LCORL: variants seen among roughly 807,000 people sequenced by gnomAD.
LCORL encodes the protein ligand dependent nuclear receptor corepressor like.
In LCORL, 41 loss-of-function variants were observed where a neutral mutation model predicts 141.8. The observed-to-expected ratio is 0.29, with a 90% CI of 0.23 to 0.38. LCORL has a LOEUF of 0.38. LCORL is among the 10% of genes least tolerant of loss of function. The pLI is 1.00. For missense variants in LCORL, 1,759 were observed against 2,035.0 expected (o/e 0.86, Z 2.61); for synonymous variants, 618 against 694.1 (o/e 0.89, Z 1.72).
intron 1 of LCORL, among the ~76,000 whole-genome samples, chr4:18,010,392 G>GTC (rs1318087361): frequency 3.5e-5 from 5 of 143,454 alleles, no homozygotes; most frequent in African/African-American, 1.1e-4. Context: ...ATATATGTGT[G>GTC]TGTGTCTGTG....
intron 1 of LCORL, among the ~76,000 whole-genome samples, chr4:17,986,394 TGA>T (rs1718986614): frequency 6.6e-6 from 1 of 152,238 alleles, no homozygotes. Context: ...GGGATGCCAG[TGA>T]TTTGTAGGCT....
rs1015622936 is a variant in LCORL at position 17,884,400 on chromosome 4, T to C, written c.776+1668A>G. The C allele has an allele frequency of 1.3e-6, 2 of 1,549,286 alleles. No homozygotes were observed. The highest frequency in any genetic ancestry group is 2.4e-5 in the East Asian group (1 of 40,882). On this transcript the variant is annotated intron_variant, in intron 6 of 7. Transcript: ENST00000635767. This position sits in a 1 kb window ranked among gnomAD's most constrained non-coding sequence, Gnocchi z 4.4. Reference sequence around the variant, plus strand: ...AGCTGATGGAGGTAAGTGGAAGCTGTTGGGAATTTTATTTCTGAGGTTTCA... The same window carrying C: ...AGCTGATGGAGGTAAGTGGAAGCTGCTGGGAATTTTATTTCTGAGGTTTCA...
At chr4:17,879,913 C>A (rs544214855) in intron 6 of LCORL, among the ~76,000 whole-genome samples, 21 of 150,964 alleles carry the variant, frequency 1.4e-4, no homozygotes, top group Non-Finnish European at 2.4e-4. Flanking sequence ...GTTAATAAAG[C>A]CAGGTATGTG....
In LCORL at chr4:17,951,766, T is replaced by C. The variant is rs548621880; in HGVS notation, c.430+10137A>G. ...CACGAAGACAGGGATATTTTTTCTTTTGTTCACTAGAGCAGTGCCTGGCAT... is the reference window on the plus strand; with the variant it reads ...CACGAAGACAGGGATATTTTTTCTTCTGTTCACTAGAGCAGTGCCTGGCAT... On this transcript the variant is annotated intron_variant, in intron 4 of 7. Coordinates refer to ENST00000635767, the Ensembl canonical transcript of LCORL. Among the ~76,000 whole-genome samples the C allele has an allele frequency of 2.0e-5, 3 of 152,332 alleles. No individual in the cohort carries two copies. The East Asian group carries it at 5.8e-4, about 29-fold the overall frequency.
At chr4:17,974,280 G>A (rs965156676) in intron 1 of LCORL, among the ~76,000 whole-genome samples, 4 of 151,896 alleles carry the variant, frequency 2.6e-5, no homozygotes, top group South Asian at 2.1e-4. Flanking sequence ...TCTCTCTTCC[G>A]CATTTTATGT....
chr4:17,885,497 A>G (rs1302689772), intron 6 of LCORL, among the ~76,000 whole-genome samples: 1 of 150,598 alleles, frequency 6.6e-6, no homozygotes. Flanking sequence ...GGGAAGATGC[A>G]AAAAAGTTGT....
At chr4:17,847,443 A>T (rs1013776016) in intron 7 of LCORL, among the ~76,000 whole-genome samples, 3 of 152,222 alleles carry the variant, frequency 2.0e-5, no homozygotes, top group Non-Finnish European at 2.9e-5. Flanking sequence ...CACCACTAAC[A>T]TATCTAACTG....
chr4:18,021,459 C>T lies in LCORL; in HGVS notation c.154+139G>A. On this transcript the variant is annotated intron_variant, in intron 1 of 7. Transcript: ENST00000635767. This position sits in a 1 kb window ranked among gnomAD's most constrained non-coding sequence, Gnocchi z 5.5. ...CAAAAGGCGAGCGCCGGGGCCGCCG[C>T]GCCGCGCCGCTCCCATCTCGCTCCC... The T allele has an allele frequency of 1.5e-6, 1 of 683,548 alleles. No homozygotes were observed. The highest frequency in any genetic ancestry group is 2.2e-6 in the Non-Finnish European group (1 of 449,086). The allele number at this position is 683,548 out of a possible 1,614,324, so 42.3% of individuals were successfully genotyped here. A position where few individuals can be genotyped will look rare whatever the true frequency, so the allele number is the denominator to read the frequency against.
At chr4:18,006,077 G>T (rs1284141947) in intron 1 of LCORL, among the ~76,000 whole-genome samples, 1 of 152,034 alleles carries the variant, frequency 6.6e-6, no homozygotes, top group Non-Finnish European at 1.5e-5. Context: ...TGCCTTTAAT[G>T]GCACCTAAGT....
chr4:17,852,395 GA>G (rs985533541), intron 7 of LCORL, among the ~76,000 whole-genome samples: 6 of 147,458 alleles, frequency 4.1e-5, no homozygotes, highest in African/African-American at 5.0e-5. Context: ...TTCTTCATAA[GA>G]AAAAAAAAAG....
intron 7 of LCORL, among the ~76,000 whole-genome samples, chr4:17,862,847 T>C (rs540430518): frequency 1.3e-5 from 2 of 151,140 alleles, no homozygotes; most frequent in African/African-American, 2.5e-5. Flanking sequence ...CCAAAAGCAA[T>C]TGCAACAAAA....
chr4:18,010,540 C>T (rs1723571240), intron 1 of LCORL, among the ~76,000 whole-genome samples: 1 of 152,060 alleles, frequency 6.6e-6, no homozygotes, highest in Non-Finnish European at 1.5e-5. Context: ...ACCTCCGCCT[C>T]CCGGGTTCAA....
chr4:17,877,267 G>T, exon 7 of LCORL: 1 of 1,229,938 alleles, frequency 8.1e-7, no homozygotes, highest in Non-Finnish European at 1.0e-6. Context: ...TTTGCATTAT[G>T]CAAGAGAGAT....
At chr4:17,945,008 A>G (rs1474124526) in intron 4 of LCORL, among the ~76,000 whole-genome samples, 1 of 152,190 alleles carries the variant, frequency 6.6e-6, no homozygotes, top group East Asian at 1.9e-4. Flanking sequence ...AAAAATGGTG[A>G]AATAATATAC....
At chr4:17,910,179 A>G (rs1207213041) in intron 4 of LCORL, among the ~76,000 whole-genome samples, 2 of 152,350 alleles carry the variant, frequency 1.3e-5, no homozygotes, top group East Asian at 3.9e-4. Flanking sequence ...TTGGTAAAAC[A>G]ACTGAATGAT....
At chr4:17,881,032 A>G in intron 6 of LCORL, 1 of 982,012 alleles carries the variant, frequency 1.0e-6, no homozygotes, top group Non-Finnish European at 1.2e-6. Flanking sequence ...ACAACTAAAA[A>G]AATCAGTCTC....
chr4:18,015,228 A>G (rs1221515402), intron 1 of LCORL, among the ~76,000 whole-genome samples: 1 of 152,226 alleles, frequency 6.6e-6, no homozygotes, highest in East Asian at 1.9e-4. Flanking sequence ...TATCATGCGC[A>G]CAGCCAATCA....
chr4:17,934,212 A>T (rs1192538592), intron 4 of LCORL, among the ~76,000 whole-genome samples: 1 of 152,096 alleles, frequency 6.6e-6, no homozygotes. Flanking sequence ...TCTGATGTAA[A>T]CTATGAACTT....
intron 4 of LCORL, among the ~76,000 whole-genome samples, chr4:17,927,550 T>C (rs1375297888): frequency 6.6e-6 from 1 of 152,194 alleles, no homozygotes; most frequent in Non-Finnish European, 1.5e-5. Context: ...TTTATAGCTT[T>C]TGATTTAAAA....
Sources: gnomAD v4.1 joint callset for allele counts (sites outside exome capture counted in the v4.1 genomes callset) on GRCh38, gnomAD v4.1.1 for gene constraint, Gnocchi (gnomAD v3.1) non-coding constraint, MANE v1.5 for transcripts, NCBI Gene and HGNC (gene_info 2026-07-23, HGNC 2026-07-21) for gene names.